The following ROBO2 variants were observed in gnomAD, a reference collection of about 807,000 sequenced individuals.
ROBO2 encodes roundabout guidance receptor 2.
A neutral mutation model predicts 160.8 loss-of-function variants in ROBO2; 53 were observed. The ratio of observed to expected loss-of-function variants is 0.33; its 90% CI spans 0.26 to 0.41. The LOEUF is 0.41. Ranked by LOEUF, ROBO2 falls within the 10% of genes least tolerant of loss-of-function variation. ROBO2 has a pLI of 1.00. For missense variants in ROBO2, 1,577 were observed against 1,722.4 expected, an observed-to-expected ratio of 0.92 and a Z score of 1.49; for synonymous variants, 664 against 611.7, an observed-to-expected ratio of 1.09 and a Z score of -1.26.
At chr3:76,241,232 T>C (rs1705263466) in intron 2 of ROBO2, among the ~76,000 whole-genome samples, 1 of 152,194 alleles carries the variant, frequency 6.6e-6, no homozygotes, top group African/African-American at 2.4e-5. Context: ...AACTATTTCA[T>C]GATGCCATGG....
At chr3:76,696,128 C>G (rs1335676797) in intron 2 of ROBO2, among the ~76,000 whole-genome samples, 2 of 152,148 alleles carry the variant, frequency 1.3e-5, no homozygotes, top group Non-Finnish European at 2.9e-5. Flanking sequence ...TGCCGCACAA[C>G]TCAGCTGTGA....
At chr3:76,344,517 C>T (rs1052610900) in intron 2 of ROBO2, among the ~76,000 whole-genome samples, 1 of 152,072 alleles carries the variant, frequency 6.6e-6, no homozygotes, top group Non-Finnish European at 1.5e-5. Flanking sequence ...TCAAGGAACT[C>T]CAAAACTCAG....
intron 2 of ROBO2, among the ~76,000 whole-genome samples, chr3:77,138,392 G>T (rs939076876): frequency 6.6e-6 from 1 of 151,998 alleles, no homozygotes. Flanking sequence ...TTTTTTTCTC[G>T]ATAGTAGTTT....
chr3:76,382,404 C>T (rs1035645359), intron 2 of ROBO2, among the ~76,000 whole-genome samples: 7 of 152,090 alleles, frequency 4.6e-5, no homozygotes, highest in Non-Finnish European at 1.0e-4. Flanking sequence ...CTGGCTAACA[C>T]GGTGGAACCC....
At position 77,067,640 on chromosome 3, in the gene ROBO2, T is replaced by C. The variant is rs73110496; in HGVS notation, c.61+26794T>C. On this transcript the variant is annotated intron_variant, in intron 1 of 25. Coordinates refer to ENST00000461745, the Ensembl canonical transcript of ROBO2. ...TGCTTGATATAGACTCAGTGCTGAA[T>C]TGAGTGTTTGTTTTTTCTTTTCATA... Among the ~76,000 whole-genome samples, 495 of 152,272 alleles carry C rather than the reference T, an allele frequency of 3.3e-3. 2 individuals carry two copies. The highest frequency in any genetic ancestry group is 6.1e-3 in the Non-Finnish European group (414 of 68,018).
intron 2 of ROBO2, among the ~76,000 whole-genome samples, chr3:77,473,560 T>C (rs2083615116): frequency 6.9e-6 from 1 of 145,630 alleles, no homozygotes; most frequent in Admixed American, 7.1e-5. Flanking sequence ...TTCCTGCCAT[T>C]CTCCTGCCTC....
At chr3:76,140,866 A>G (rs1230537993) in intron 2 of ROBO2, among the ~76,000 whole-genome samples, 1 of 149,790 alleles carries the variant, frequency 6.7e-6, no homozygotes. Context: ...TCCATATTGT[A>G]TGTGTTTTTT....
intron 2 of ROBO2, among the ~76,000 whole-genome samples, chr3:77,409,564 G>A (rs2153519903): frequency 6.6e-6 from 1 of 152,184 alleles, no homozygotes; most frequent in African/African-American, 2.4e-5. Flanking sequence ...TGCCCCGAGA[G>A]AATACATGCG....
chr3:77,534,022 G>A (rs1278567241), intron 6 of ROBO2, among the ~76,000 whole-genome samples: 1 of 151,970 alleles, frequency 6.6e-6, no homozygotes, highest in Non-Finnish European at 1.5e-5. Flanking sequence ...ATCATGGGAT[G>A]GGCTCTCACA....
At chr3:77,333,484 T>G (rs895536648) in intron 2 of ROBO2, among the ~76,000 whole-genome samples, 4 of 152,180 alleles carry the variant, frequency 2.6e-5, no homozygotes, top group African/African-American at 4.8e-5. Context: ...TATGCCTATA[T>G]TTTTGTTACA....
At chr3:76,326,527 C>CATTGCATAATGCATATATTAT (rs1228827065) in intron 2 of ROBO2, among the ~76,000 whole-genome samples, 21 of 152,158 alleles carry the variant, frequency 1.4e-4, no homozygotes, top group African/African-American at 5.1e-4. Flanking sequence ...ATGTATATTA[C>CATTGCATAATGCATATATTAT]ATTGCATAAT....
rs189419402 is a variant in ROBO2 at position 76,845,015 on chromosome 3, G to T, written c.110-252999G>T. ...ACTATTTTCAGCCTGGGCCTTATCT[G>T]CATATTCTCTGCTGATCAAAATGCA... On this transcript the variant is annotated intron_variant, in intron 2 of 26. Coordinates refer to the ROBO2 transcript ENST00000487694. Among the ~76,000 whole-genome samples, 3 of 151,962 alleles carry T rather than the reference G, an allele frequency of 2.0e-5. No individual in the cohort carries two copies. In the East Asian group the frequency reaches 5.8e-4, roughly 29 times the overall value.
At chr3:77,164,728 G>A (rs2078859000) in intron 2 of ROBO2, among the ~76,000 whole-genome samples, 2 of 81,714 alleles carry the variant, frequency 2.4e-5, no homozygotes, top group Admixed American at 1.2e-4. Flanking sequence ...TCAGCCCTCC[G>A]CCCGGCCAGC....
intron 2 of ROBO2, among the ~76,000 whole-genome samples, chr3:76,132,402 G>GA: frequency 1.6e-5 from 1 of 62,800 alleles, no homozygotes; most frequent in Admixed American, 1.5e-4. Context: ...GTTGGGGGGG[G>GA]GGGGGGACGC....
intron 2 of ROBO2, among the ~76,000 whole-genome samples, chr3:76,218,057 A>C (rs1419024249): frequency 1.3e-5 from 2 of 152,200 alleles, no homozygotes; most frequent in Non-Finnish European, 1.5e-5. Flanking sequence ...ACCAAAGACA[A>C]AAACCAGATG....
intron 2 of ROBO2, among the ~76,000 whole-genome samples, chr3:76,407,530 G>T (rs1489060415): frequency 1.3e-5 from 2 of 151,894 alleles, no homozygotes; most frequent in Non-Finnish European, 2.9e-5. Context: ...AAATACCCAT[G>T]TGAATATAGC....
At chr3:77,593,579 G>A (rs1157152682) in intron 17 of ROBO2, among the ~76,000 whole-genome samples, 3 of 152,016 alleles carry the variant, frequency 2.0e-5, no homozygotes, top group Non-Finnish European at 4.4e-5. Flanking sequence ...CCAATAAGAA[G>A]TTCCTAAAAG....
intron 2 of ROBO2, among the ~76,000 whole-genome samples, chr3:77,368,255 A>T (rs915780753): frequency 7.9e-5 from 12 of 151,984 alleles, no homozygotes; most frequent in South Asian, 2.1e-4. Flanking sequence ...AAATACATTC[A>T]TTTTTTTGTT....
At chr3:76,495,821 T>G (rs1332789924) in intron 2 of ROBO2, among the ~76,000 whole-genome samples, 1 of 152,202 alleles carries the variant, frequency 6.6e-6, no homozygotes, top group African/African-American at 2.4e-5. Context: ...GTCTGGGTAT[T>G]TCTTTTACAT....
Sources: gnomAD v4.1 joint callset for allele counts (sites outside exome capture counted in the v4.1 genomes callset) on GRCh38, gnomAD v4.1.1 for gene constraint, MANE v1.5 for transcripts, NCBI Gene and HGNC (gene_info 2026-07-23, HGNC 2026-07-21) for gene names.